Variants in NLRP12 observed in about 807,000 individuals in gnomAD.
NLRP12 encodes NLR family pyrin domain containing 12.
A neutral mutation model predicts 91.2 loss-of-function variants in NLRP12; 108 were observed. The observed-to-expected ratio is 1.18, with a 90% confidence interval of 1.01 to 1.39. NLRP12 has a LOEUF of 1.39. Among genes scored for constraint, NLRP12 ranks in the 40% most tolerant of loss-of-function variants. The pLI is 0.00. For missense variants in NLRP12, 1,530 were observed against 1,352.7 expected, an observed-to-expected ratio of 1.13 and a Z score of -2.06; for synonymous variants, 613 against 566.7, an observed-to-expected ratio of 1.08 and a Z score of -1.16.
chr19:53,805,603 T>C, intron 4 of NLRP12, 153 bp from the exon 5 acceptor site: 1 of 775,970 alleles, frequency 1.3e-6, no homozygotes, highest in Non-Finnish European at 2.1e-6. Context: ...CCACAACCTC[T>C]GCCTCCTGGG....
chr19:53,801,718 G>C (rs1001106269), intron 6 of NLRP12, among the ~76,000 whole-genome samples: 1 of 151,796 alleles, frequency 6.6e-6, no homozygotes, highest in African/African-American at 2.4e-5. Flanking sequence ...GCCTCCCAAA[G>C]GACTGGAATT....
upstream of NLRP12, chr19:53,824,341 G>A: frequency 1.5e-6 from 1 of 669,152 alleles, no homozygotes; most frequent in Admixed American, 2.4e-5. Flanking sequence ...ACCTTTTGCT[G>A]AAATAATGCT....
chr19:53,805,837 A>G (rs1324035010), intron 4 of NLRP12: 4 of 290,700 alleles, frequency 1.4e-5, no homozygotes, highest in Non-Finnish European at 2.7e-5. Flanking sequence ...ATTTCAAAAT[A>G]TCATGTTATA....
chr19:53,800,910 G>A (rs1038903231), intron 7 of NLRP12, among the ~76,000 whole-genome samples: 2 of 151,964 alleles, frequency 1.3e-5, no homozygotes, highest in African/African-American at 4.8e-5. Flanking sequence ...AAAGGCTGAT[G>A]TAGGCTGGGT....
At chr19:53,821,190 C>A (rs973714015) in intron 1 of NLRP12, among the ~76,000 whole-genome samples, 34 of 151,726 alleles carry the variant, frequency 2.2e-4, no homozygotes, top group African/African-American at 7.5e-4. Flanking sequence ...CGCCCGCCAC[C>A]ACACCCGGCT....
At chr19:53,824,317 G>A (rs190223587), upstream of NLRP12, 2 of 770,242 alleles carry the variant, frequency 2.6e-6, no homozygotes, top group African/African-American at 1.7e-5. Flanking sequence ...GGAGGAGAGA[G>A]CAAGGGAGGA....
intron 1 of NLRP12, among the ~76,000 whole-genome samples, chr19:53,817,020 G>A (rs868729181): frequency 1.3e-5 from 2 of 151,826 alleles, no homozygotes; most frequent in Admixed American, 6.6e-5. Context: ...GCCAGGGCGC[G>A]GTGGCTCACG....
chr19:53,799,028 T>TTTC (rs1344625509), intron 7 of NLRP12, among the ~76,000 whole-genome samples: 1 of 149,720 alleles, frequency 6.7e-6, no homozygotes, highest in Non-Finnish European at 1.5e-5. Context: ...TTTTTTTTTT[T>TTTC]TTGAGACAGA....
chr19:53,822,615 G>C (rs1213556067), intron 1 of NLRP12, among the ~76,000 whole-genome samples: 2 of 151,664 alleles, frequency 1.3e-5, no homozygotes, highest in African/African-American at 4.8e-5. Context: ...GCAGGTACCT[G>C]TAATCTCAGC....
At chr19:53,796,135 C>G in intron 8 of NLRP12, 106 bp from the exon 9 acceptor site, 3 of 1,065,974 alleles carry the variant, frequency 2.8e-6, no homozygotes, top group Non-Finnish European at 4.3e-6. Flanking sequence ...GGTGAGATTT[C>G]TGTTCACTGC....
intron 9 of NLRP12, 116 bp from the exon 10 acceptor site, chr19:53,794,252 T>G (rs1270096146): frequency 1.3e-6 from 1 of 786,832 alleles, no homozygotes; most frequent in Admixed American, 1.9e-5. Context: ...CTCCAGAAAT[T>G]CCACCCAACG....
chr19:53,818,700 C>T (rs114639540), intron 1 of NLRP12, among the ~76,000 whole-genome samples: 1 of 151,992 alleles, frequency 6.6e-6, no homozygotes, highest in South Asian at 2.1e-4. Flanking sequence ...AAAGGTAATT[C>T]TTGAAAATTG....
Position 53,794,086 on chromosome 19 carries a change from A to C in NLRP12, c.3149T>G (p.Leu1050Arg). ...GTCCAAATAAGGTTTTGTTACTCGA[A>C]GCGCTGCCAACCTACTGTGGGTCAT... Reference protein sequence around the residue: ...NKMTHSRLAALRVTKPYLDIG... With the variant: ...NKMTHSRLAARRVTKPYLDIG... Residue 1050 changes from leucine (L) to arginine (R), a missense_variant, in exon 10 of 10, where the codon CTT (leucine) becomes CGT (arginine). Coordinates refer to ENST00000324134, the MANE Select transcript of NLRP12 (RefSeq NM_144687.4). The C allele has an allele frequency of 6.2e-7, 1 of 1,614,032 alleles. No individual in the cohort carries two copies. Among genetic ancestry groups the C allele is most frequent in the Non-Finnish European group, 8.5e-7 (1 of 1,179,952 alleles).
chr19:53,815,338 C>G (rs914210964), intron 1 of NLRP12, among the ~76,000 whole-genome samples: 1 of 148,196 alleles, frequency 6.7e-6, no homozygotes, highest in African/African-American at 2.5e-5. Context: ...AAGCGATTCT[C>G]CTGCCTCAGC....
At position 53,810,546 on chromosome 19, in the gene NLRP12, C is replaced by T; in HGVS notation, c.1113G>A (p.Lys371=). The part of the protein sequence containing the change: ...EILGFSEAER[K]EYFYKYFHNA... ...TGTGGAAATACTTGTAGAAGTATTC[C>T]TTCCTTTCTGCCTCAGAGAAGCCCA... The change falls in exon 3 of 10, where the codon AAG becomes AAA. Residue 371 remains lysine (K), a synonymous_variant. Coordinates refer to ENST00000324134, the MANE Select transcript of NLRP12 (RefSeq NM_144687.4). The T allele has an allele frequency of 6.2e-7, 1 of 1,614,120 alleles. No homozygotes were observed. Among genetic ancestry groups the T allele is most frequent in the Non-Finnish European group, 8.5e-7 (1 of 1,180,036 alleles).
chr19:53,821,960 G>A (rs1026343711), intron 1 of NLRP12, among the ~76,000 whole-genome samples: 101 of 152,160 alleles, frequency 6.6e-4, no homozygotes, highest in African/African-American at 2.2e-3. Flanking sequence ...CAGTAACATG[G>A]ACGCAGCTGG....
In NLRP12 at chr19:53,824,141, G is replaced by A. The variant is rs370612027; in HGVS notation, c.34C>T (p.Arg12Cys). The change falls in exon 1 of 10, where the codon CGC (arginine) becomes TGC (cysteine). Residue 12 changes from arginine (R) to cysteine (C), a missense_variant. Physicochemically the swap from Arg to Cys is radical, Grantham distance 180. Coordinates refer to ENST00000324134, the MANE Select transcript of NLRP12 (RefSeq NM_144687.4). The part of the protein sequence containing the change: ...LRTAGRDGLC[R>C]LSTYLEELEA... Reference sequence around the variant, plus strand: ...AGTTCTTCCAAGTAGGTGGACAGGCGACAGAGGCCGTCCCTGCCTGCGGTT... The same window carrying A: ...AGTTCTTCCAAGTAGGTGGACAGGCAACAGAGGCCGTCCCTGCCTGCGGTT... The A allele has an allele frequency of 1.2e-5, 19 of 1,613,964 alleles. No homozygotes were observed. Among genetic ancestry groups the A allele is most frequent in the South Asian group, 8.8e-5 (8 of 91,080 alleles).
chr19:53,814,923 CAA>C lies in NLRP12; in HGVS notation c.353_354del (p.Leu118ArgfsTer74). 6 of 1,613,940 alleles carry C rather than the reference CAA, an allele frequency of 3.7e-6. No homozygotes were observed. The highest frequency in any genetic ancestry group is 5.1e-6 in the Non-Finnish European group (6 of 1,179,906). ...NQSTCLLEVS[L>X]VTPRKDPQET... is the part of the protein sequence containing the mutation. Reference sequence around the variant, plus strand: ...TGAGGCTCACCTTTTCTTGGAGTGACAAGAGAGACTTCCAGAAGGCATGTTGA... The same window carrying C: ...TGAGGCTCACCTTTTCTTGGAGTGACGAGAGACTTCCAGAAGGCATGTTGA... On this transcript the variant is annotated frameshift_variant, in exon 2 of 10. Transcript: ENST00000324134. LOFTEE classifies it high-confidence loss of function.
chr19:53,806,449 G>A (rs910863843), intron 4 of NLRP12, among the ~76,000 whole-genome samples: 1 of 151,868 alleles, frequency 6.6e-6, no homozygotes, highest in Admixed American at 6.6e-5. Flanking sequence ...TTGGGAGGCC[G>A]AGGTGGGTGG....
Sources: allele counts gnomAD v4.1 joint callset (sites outside exome capture counted in the v4.1 genomes callset), GRCh38; gene constraint gnomAD v4.1.1; transcripts MANE v1.5; gene names NCBI Gene and HGNC (gene_info 2026-07-23, HGNC 2026-07-21).